Variants in ANK1 observed in about 807,000 individuals in gnomAD.
ANK1 encodes ankyrin-1.
In ANK1, 51 loss-of-function variants were observed where a neutral mutation model predicts 210.4. The observed-to-expected ratio is 0.24, with a 90% CI of 0.19 to 0.31. The LOEUF is 0.31. ANK1 is among the 10% of genes least tolerant of loss of function. The pLI is 1.00. For synonymous variants in ANK1, 967 were observed against 1,025.9 expected, an observed-to-expected ratio of 0.94 and a Z score of 1.10; for missense variants, 2,051 against 2,504.4, an observed-to-expected ratio of 0.82 and a Z score of 3.86.
chr8:41,660,122 C>T (rs933622361), intron 42 of ANK1, among the ~76,000 whole-genome samples: 17 of 152,260 alleles, frequency 1.1e-4, no homozygotes, highest in African/African-American at 4.1e-4. Flanking sequence ...AACCAGCAGC[C>T]TAGTGGGACC....
chr8:41,704,430 T>TG lies in ANK1; in HGVS notation c.2139dup (p.Ile714HisfsTer79). 6.2e-7 allele frequency: 1 copy of TG among 1,614,164 alleles called. No homozygotes were observed. Among genetic ancestry groups the TG allele is most frequent in the Non-Finnish European group, 8.5e-7 (1 of 1,180,036 alleles). On this transcript the variant is annotated frameshift_variant, in exon 19 of 43. Transcript: ENST00000289734. LOFTEE classifies it high-confidence loss of function. The surrounding 1 kb of genome is among the most constrained non-coding windows in gnomAD (Gnocchi z 4.1). ...TGCAGCAGAAACTTCACCAGCTTGA[T>TG]GTTTCCATAGTGACTGGCCACATGG...
chr8:41,780,699 T>C (rs1845112543), intron 1 of ANK1, among the ~76,000 whole-genome samples: 1 of 152,224 alleles, frequency 6.6e-6, no homozygotes, highest in South Asian at 2.1e-4. Flanking sequence ...TGCATGCCTG[T>C]GTGTGCACGT....
At chr8:41,670,423 T>C (rs1811897614) in intron 38 of ANK1, among the ~76,000 whole-genome samples, 1 of 152,084 alleles carries the variant, frequency 6.6e-6, no homozygotes, top group Admixed American at 6.5e-5. Context: ...GCTGCGGTAA[T>C]GCAGGGGCCA....
intron 1 of ANK1, among the ~76,000 whole-genome samples, chr8:41,853,670 T>C (rs1286879156): frequency 6.6e-6 from 1 of 152,188 alleles, no homozygotes; most frequent in East Asian, 1.9e-4. Flanking sequence ...CCCACCGCCT[T>C]ATAACAGATA....
At chr8:41,895,119 A>G (rs773691581) in intron 1 of ANK1, among the ~76,000 whole-genome samples, 4 of 152,126 alleles carry the variant, frequency 2.6e-5, no homozygotes, top group Non-Finnish European at 5.9e-5. Context: ...TGACCCACAG[A>G]CAGCCTGCTC....
intron 1 of ANK1, among the ~76,000 whole-genome samples, chr8:41,802,629 C>T (rs1050585342): frequency 6.6e-6 from 1 of 152,152 alleles, no homozygotes; most frequent in Non-Finnish European, 1.5e-5. Context: ...GAGGAAGTCT[C>T]TTTGCTTTAT....
At chr8:41,865,182 G>A (rs570248090) in intron 1 of ANK1, among the ~76,000 whole-genome samples, 1 of 152,286 alleles carries the variant, frequency 6.6e-6, no homozygotes, top group African/African-American at 2.4e-5. Context: ...CCCATCTCGC[G>A]AATTGGGATT....
intron 1 of ANK1, among the ~76,000 whole-genome samples, chr8:41,802,937 GGGAGAGAGAAA>G (rs1408094320): frequency 1.5e-5 from 1 of 68,480 alleles, no homozygotes; most frequent in African/African-American, 6.7e-5. Context: ...AAGAGAGAAA[GGGAGAGAGAAA>G]GGGGGGGGGG....
chr8:41,710,483 T>C (rs559753885), intron 16 of ANK1, among the ~76,000 whole-genome samples: 27 of 152,328 alleles, frequency 1.8e-4, no homozygotes, highest in African/African-American at 4.1e-4. Context: ...TAAAATGCAG[T>C]GTCTGATTCA....
Position 41,708,766 on chromosome 8 carries a change from C to T in ANK1, c.1998+12G>A, listed in dbSNP as rs558253776. The T allele has an allele frequency of 8.7e-6, 14 of 1,613,484 alleles. No individual in the cohort carries two copies. The South Asian group carries it at 1.4e-4, about 16-fold the overall frequency. On this transcript the variant is annotated intron_variant, in intron 17 of 42. Transcript: ENST00000289734. ...CAGCACTCCAGGGCAGATCCGAAGA[C>T]ACCATGCCTACCTTGTTCCCCAGGT...
At chr8:41,893,992 C>T (rs1322916839) in intron 1 of ANK1, among the ~76,000 whole-genome samples, 1 of 152,138 alleles carries the variant, frequency 6.6e-6, no homozygotes, top group East Asian at 1.9e-4. Context: ...CACTGCCTCC[C>T]TCACCTTTCC....
chr8:41,854,020 G>A (rs1368745891), intron 1 of ANK1, among the ~76,000 whole-genome samples: 1 of 152,198 alleles, frequency 6.6e-6, no homozygotes, highest in Non-Finnish European at 1.5e-5. Context: ...GGACTGAAAT[G>A]CTTCTCCTTA....
intron 1 of ANK1, among the ~76,000 whole-genome samples, chr8:41,761,507 A>G (rs1363673785): frequency 1.3e-5 from 2 of 152,216 alleles, no homozygotes; most frequent in African/African-American, 4.8e-5. Context: ...GTGGAGGCTC[A>G]TAGAAGAAGG....
chr8:41,859,385 C>T (rs1336026561), intron 1 of ANK1, among the ~76,000 whole-genome samples: 3 of 152,224 alleles, frequency 2.0e-5, no homozygotes, highest in Admixed American at 6.5e-5. Flanking sequence ...CTCGCTCTGT[C>T]GCCCAGGCTG....
At chr8:41,864,188 T>C (rs1456546767) in intron 1 of ANK1, among the ~76,000 whole-genome samples, 3 of 147,168 alleles carry the variant, frequency 2.0e-5, no homozygotes, top group South Asian at 2.1e-4. Flanking sequence ...AGGTGGAGCT[T>C]GTAGTGAGCC....
chr8:41,795,586 A>T (rs1318140895), intron 1 of ANK1, among the ~76,000 whole-genome samples: 1 of 152,096 alleles, frequency 6.6e-6, no homozygotes, highest in African/African-American at 2.4e-5. Context: ...AAAGAATGAA[A>T]TCATGTCATT....
At chr8:41,714,338 T>A (rs1466129313) in intron 15 of ANK1, 84 bp from the exon 16 acceptor site, 1 of 1,021,804 alleles carries the variant, frequency 9.8e-7, no homozygotes, top group South Asian at 2.1e-5. Context: ...GGAGCACCTA[T>A]TTTATACAGT....
At chr8:41,820,327 ATGTGTGTGTGTG>A (rs56359274) in intron 1 of ANK1, among the ~76,000 whole-genome samples, 9,204 of 142,766 alleles carry the variant, frequency 0.064, 757 homozygotes, top group African/African-American at 0.19. Flanking sequence ...ACCAAGCTAA[ATGTGTGTGTGTG>A]TGTGTGTGTG....
intron 2 of ANK1, 42 bp downstream of exon 2, chr8:41,757,994 G>T: frequency 6.5e-7 from 1 of 1,542,678 alleles, no homozygotes; most frequent in Non-Finnish European, 9.0e-7. Flanking sequence ...TCAGGCAAGA[G>T]CTACTCTTCA....
Sources: gnomAD v4.1 joint callset for allele counts (sites outside exome capture counted in the v4.1 genomes callset) on GRCh38, gnomAD v4.1.1 for gene constraint, Gnocchi (gnomAD v3.1) non-coding constraint, MANE v1.5 for transcripts, NCBI Gene and HGNC (gene_info 2026-07-23, HGNC 2026-07-21) for gene names.